SLCO2B1: variants seen among roughly 807,000 people sequenced by gnomAD.
SLCO2B1 encodes OATP-RP2.
In SLCO2B1, 41 loss-of-function variants were observed where a neutral mutation model predicts 67.3. That is an observed-to-expected ratio of 0.61 (90% CI 0.47 to 0.79). SLCO2B1 has a LOEUF of 0.79. Ranked by LOEUF, SLCO2B1 falls within the 30% of genes least tolerant of loss-of-function variation. SLCO2B1 has a pLI of 0.00. For missense variants in SLCO2B1, 837 were observed against 920.1 expected (o/e 0.91, Z 1.17); for synonymous variants, 379 against 381.4 (o/e 0.99, Z 0.07).
chr11:75,179,218 ATTTTTTTTT>A (rs373993870), intron 7 of SLCO2B1, among the ~76,000 whole-genome samples: 2 of 66,686 alleles, frequency 3.0e-5, no homozygotes, highest in East Asian at 3.6e-4. Context: ...GATACATGAG[ATTTTTTTTT>A]TTTTTTTTTT....
chr11:75,155,755 C>G (rs967729280), intron 1 of SLCO2B1, among the ~76,000 whole-genome samples: 3 of 152,178 alleles, frequency 2.0e-5, no homozygotes, highest in Non-Finnish European at 4.4e-5. Flanking sequence ...ACCACGAGGC[C>G]AGGCGTGAGC....
intron 7 of SLCO2B1, among the ~76,000 whole-genome samples, chr11:75,187,381 C>A (rs1040200511): frequency 1.3e-5 from 2 of 152,192 alleles, no homozygotes; most frequent in Non-Finnish European, 2.9e-5. Flanking sequence ...CCATGGGAAT[C>A]TTCACAGCTT....
At position 75,203,410 on chromosome 11, in the gene SLCO2B1, T is replaced by A; in HGVS notation, c.1932T>A (p.Asn644Lys). The change falls in exon 13 of 14, where the codon AAT becomes AAA. Residue 644 changes from asparagine (N) to lysine (K), a missense_variant. Asn to Lys is a moderately conservative substitution (Grantham distance 94, BLOSUM62 0). Transcript: ENST00000289575. ...GAGCTGTCTGTCGCTACTACAATAA[T>A]GACCTGCTCCGAAACCGGTGAGACC... is the stretch of plus-strand genomic sequence containing the variant. The part of the protein sequence containing the change: ...GRRAVCRYYN[N>K]DLLRNRFIGL... 6.2e-7 allele frequency: 1 copy of A among 1,614,098 alleles called. No homozygotes were observed. The highest frequency in any genetic ancestry group is 8.5e-7 in the Non-Finnish European group (1 of 1,179,982).
chr11:75,158,217 G>A (rs1949770150), intron 1 of SLCO2B1, among the ~76,000 whole-genome samples: 1 of 152,182 alleles, frequency 6.6e-6, no homozygotes, highest in Admixed American at 6.5e-5. Flanking sequence ...TGGGATTACA[G>A]GCATGCACCA....
chr11:75,188,109 C>CTG, intron 7 of SLCO2B1, 27 bp from the exon 8 acceptor site: 1 of 1,551,518 alleles, frequency 6.4e-7, no homozygotes, highest in Non-Finnish European at 8.9e-7. Flanking sequence ...ATCCAGCGGA[C>CTG]TGTCCTTGGT....
chr11:75,190,797 C>T (rs771343757), intron 8 of SLCO2B1, among the ~76,000 whole-genome samples: 2 of 152,186 alleles, frequency 1.3e-5, no homozygotes, highest in Non-Finnish European at 2.9e-5. Context: ...GGTGAGGCTC[C>T]TGGCTGATGA....
At chr11:75,185,523 G>A (rs77633237) in intron 7 of SLCO2B1, among the ~76,000 whole-genome samples, 1 of 35,076 alleles carries the variant, frequency 2.9e-5, no homozygotes, top group East Asian at 9.4e-4. Flanking sequence ...TTTTTTTTTT[G>A]TGAAACAGGG....
intron 7 of SLCO2B1, among the ~76,000 whole-genome samples, chr11:75,174,495 C>T (rs1352021677): frequency 7.2e-5 from 11 of 152,142 alleles, no homozygotes; most frequent in Non-Finnish European, 1.5e-4. Flanking sequence ...GGGGACTGCA[C>T]ATAGCTGCCC....
chr11:75,151,664 C>T (rs1269850481), intron 1 of SLCO2B1: 8 of 539,506 alleles, frequency 1.5e-5, no homozygotes, highest in Non-Finnish European at 2.3e-5. Flanking sequence ...TAGAGGACAA[C>T]AGAAAGACAG....
At chr11:75,176,662 T>C (rs182889531) in intron 7 of SLCO2B1, among the ~76,000 whole-genome samples, 4 of 152,300 alleles carry the variant, frequency 2.6e-5, no homozygotes, top group East Asian at 3.9e-4. Context: ...TTTGGGAGAA[T>C]AGTCAGGGAT....
At chr11:75,185,161 C>G (rs986819992) in intron 7 of SLCO2B1, among the ~76,000 whole-genome samples, 1 of 152,144 alleles carries the variant, frequency 6.6e-6, no homozygotes, top group East Asian at 1.9e-4. Context: ...CAAGGGACCC[C>G]CCAAGGTGGT....
At chr11:75,159,792 C>T in intron 1 of SLCO2B1, 3 of 971,354 alleles carry the variant, frequency 3.1e-6, no homozygotes, top group Non-Finnish European at 3.7e-6. Flanking sequence ...ACAGCCATAT[C>T]TCTAAAGGAT....
intron 12 of SLCO2B1, 73 bp from the exon 13 acceptor site, chr11:75,203,234 G>T: frequency 6.4e-7 from 1 of 1,572,972 alleles, no homozygotes; most frequent in Non-Finnish European, 8.6e-7. Flanking sequence ...GCCCCTGAGG[G>T]GTTGTACATG....
intron 7 of SLCO2B1, among the ~76,000 whole-genome samples, chr11:75,179,789 T>C (rs1293814263): frequency 1.3e-5 from 2 of 152,118 alleles, no homozygotes; most frequent in African/African-American, 2.4e-5. Flanking sequence ...CAGGCTGGAG[T>C]GCAGTGGCAC....
chr11:75,165,771 C>T lies in SLCO2B1; in HGVS notation c.286-16C>T. 4 of 1,613,738 alleles carry T rather than the reference C, an allele frequency of 2.5e-6. No individual in the cohort carries two copies. Among genetic ancestry groups the T allele is most frequent in the Non-Finnish European group, 3.4e-6 (4 of 1,179,748 alleles). On this transcript the variant is annotated splice_polypyrimidine_tract_variant and intron_variant, in intron 3 of 13. Coordinates refer to ENST00000289575, the MANE Select transcript of SLCO2B1 (RefSeq NM_007256.5). ...GGAACTGTTCCACCTTAATGGGTCACCTCGTCCTTTTGCAGGTGGGGAACA... is the reference window on the plus strand; with the variant it reads ...GGAACTGTTCCACCTTAATGGGTCATCTCGTCCTTTTGCAGGTGGGGAACA...
At position 75,162,789 on chromosome 11, in the gene SLCO2B1, C is replaced by T. The variant is rs936389071; in HGVS notation, c.147+4C>T. On this transcript the variant is annotated splice_donor_region_variant and intron_variant, in intron 2 of 13. Coordinates refer to ENST00000289575, the MANE Select transcript of SLCO2B1 (RefSeq NM_007256.5). Reference sequence around the variant, plus strand: ...AAGTGTGTTCCATAACATCAAGGTACCTCTCAGGGCCTGGCAGGGGCCTCC... The same window carrying T: ...AAGTGTGTTCCATAACATCAAGGTATCTCTCAGGGCCTGGCAGGGGCCTCC... 4.3e-6 allele frequency: 7 copies of T among 1,611,948 alleles called. No homozygotes were observed. In the East Asian group the frequency reaches 1.3e-4, roughly 31 times the overall value.
At chr11:75,172,711 C>G in intron 7 of SLCO2B1, 142 bp downstream of exon 7, 2 of 685,400 alleles carry the variant, frequency 2.9e-6, no homozygotes, top group Non-Finnish European at 4.8e-6. Flanking sequence ...GGTTGGATCA[C>G]GAGGTCAGGA....
intron 10 of SLCO2B1, 122 bp from the exon 11 acceptor site, chr11:75,200,102 C>G: frequency 3.8e-6 from 4 of 1,039,940 alleles, no homozygotes; most frequent in Non-Finnish European, 5.5e-6. Flanking sequence ...GGACTCCCAG[C>G]CAGCTCTACC....
intron 7 of SLCO2B1, among the ~76,000 whole-genome samples, chr11:75,178,893 T>C (rs911854753): frequency 6.6e-6 from 1 of 152,262 alleles, no homozygotes; most frequent in African/African-American, 2.4e-5. Context: ...CTGGCTTATT[T>C]CACTTAACAT....
Sources: allele counts gnomAD v4.1 joint callset (sites outside exome capture counted in the v4.1 genomes callset), GRCh38; gene constraint gnomAD v4.1.1; transcripts MANE v1.5; gene names NCBI Gene and HGNC (gene_info 2026-07-23, HGNC 2026-07-21).